Variants in PCDHGA9 observed in about 807,000 individuals in gnomAD.
PCDHGA9 encodes the protein protocadherin gamma-A9.
PCDHGA9 carries 37 observed loss-of-function variants against 62.5 expected under a neutral mutation model. The observed-to-expected ratio is 0.59, with a 90% CI of 0.46 to 0.78. PCDHGA9 has a LOEUF of 0.78. Among genes scored for constraint, PCDHGA9 ranks in the 30% least tolerant of loss-of-function variants. The pLI, the probability that PCDHGA9 is intolerant of heterozygous loss-of-function variation, is 0.00. For missense variants in PCDHGA9, 1,138 were observed against 1,166.2 expected (o/e 0.98, Z 0.35); for synonymous variants, 459 against 484.6 (o/e 0.95, Z 0.69).
In PCDHGA9 at chr5:141,404,838, C is replaced by T. The variant is rs1561696680; in HGVS notation, c.1886C>T (p.Ala629Val). ...VGLHTGEVRT[A>V]RALLDRDALK... ...CTGCACACAGGTGAAGTGCGCACAGCTCGGGCCCTGCTAGATAGAGATGCG... is the reference window on the plus strand; with the variant it reads ...CTGCACACAGGTGAAGTGCGCACAGTTCGGGCCCTGCTAGATAGAGATGCG... Residue 629 changes from alanine (A) to valine (V), a missense_variant, in exon 1 of 4, where the codon GCT becomes GTT. By Grantham distance (64) the Ala-to-Val change is moderately conservative. Coordinates refer to ENST00000573521, the MANE Select transcript of PCDHGA9 (RefSeq NM_018921.3). 1 of 1,613,850 alleles carries T rather than the reference C, an allele frequency of 6.2e-7. No homozygotes were observed. Among genetic ancestry groups the T allele is most frequent in the East Asian group, 2.2e-5 (1 of 44,860 alleles).
At chr5:141,505,332 A>C in intron 2 of PCDHGA9, 61 bp from the exon 3 acceptor site, 1 of 1,610,872 alleles carries the variant, frequency 6.2e-7, no homozygotes, top group South Asian at 1.1e-5. Flanking sequence ...GGGAGAGGAC[A>C]GGAGGGGCAT....
rs888457230 is a variant in PCDHGA9, at chr5:141,493,727, C to T, written c.2425-1080C>T. On this transcript the variant is annotated intron_variant, in intron 1 of 3. Transcript: ENST00000573521. This position sits in a 1 kb window ranked among gnomAD's most constrained non-coding sequence, Gnocchi z 4.3. ...TGGAATGCTAGGTTTCTGGGTTCTG[C>T]TCATATCACTGCCACCTGTGAGCCT... Among the ~76,000 whole-genome samples, 2 of 152,184 alleles carry T rather than the reference C, an allele frequency of 1.3e-5. No homozygotes were observed. Among genetic ancestry groups the T allele is most frequent in the Admixed American group, 6.5e-5 (1 of 15,280 alleles).
chr5:141,497,614 A>G (rs1377740795), intron 2 of PCDHGA9, among the ~76,000 whole-genome samples: 1 of 146,530 alleles, frequency 6.8e-6, no homozygotes, highest in Admixed American at 7.0e-5. Context: ...ATCTTGGCTC[A>G]CTGCAACCTC....
rs2099698809 is a variant in PCDHGA9 at position 141,490,343 on chromosome 5, T to C, written c.2425-4464T>C. On this transcript the variant is annotated intron_variant, in intron 1 of 3. Transcript: ENST00000573521. This position sits in a 1 kb window ranked among gnomAD's most constrained non-coding sequence, Gnocchi z 5.4. ...CTAGAGAGCACACCAGTGGGCACAG[T>C]AGTGGGGTTGTTTAATGTGCGAGAC... The C allele has an allele frequency of 6.2e-7, 1 of 1,614,018 alleles. No individual in the cohort carries two copies. Among genetic ancestry groups the C allele is most frequent in the Admixed American group, 1.7e-5 (1 of 60,006 alleles).
chr5:141,507,097 A>G (rs1343795018), intron 3 of PCDHGA9: 1 of 152,082 alleles, frequency 6.6e-6, no homozygotes, highest in African/African-American at 2.4e-5. Flanking sequence ...TGCTCTTTCT[A>G]CTATAGGGAC....
At position 141,486,994 on chromosome 5, in the gene PCDHGA9, C is replaced by G. The variant is rs779792543; in HGVS notation, c.2425-7813C>G. ...ATTCAGGTTACAATGCTTGGGTTTC[C>G]TATCAGCTCCTGGAGGCCCCAGATC... On this transcript the variant is annotated intron_variant, in intron 1 of 3. Coordinates refer to ENST00000573521, the MANE Select transcript of PCDHGA9 (RefSeq NM_018921.3). The surrounding 1 kb of genome is among the most constrained non-coding windows in gnomAD (Gnocchi z 5.0). 3 of 1,614,214 alleles carry G rather than the reference C, an allele frequency of 1.9e-6. No individual in the cohort carries two copies. Among genetic ancestry groups the G allele is most frequent in the Admixed American group, 1.7e-5 (1 of 60,030 alleles).
At chr5:141,501,557 G>A (rs192507373) in intron 2 of PCDHGA9, among the ~76,000 whole-genome samples, 1 of 152,124 alleles carries the variant, frequency 6.6e-6, no homozygotes, top group Non-Finnish European at 1.5e-5. Context: ...CATAGGCCCT[G>A]GAATCATATT....
rs1023591745 is a variant in PCDHGA9 at position 141,432,912 on chromosome 5, G to T, written c.2424+27536G>T. 2.5e-6 allele frequency: 4 copies of T among 1,614,160 alleles called. No individual in the cohort carries two copies. Among genetic ancestry groups the T allele is most frequent in the Non-Finnish European group, 3.4e-6 (4 of 1,180,012 alleles). On this transcript the variant is annotated intron_variant, in intron 1 of 3. Transcript: ENST00000573521. The surrounding 1 kb of genome is among the most constrained non-coding windows in gnomAD (Gnocchi z 6.0). Reference sequence around the variant, plus strand: ...TTGCTGCTGGCGCTCAGGCTGCGGCGCTGGCACAAGTCACGCCTGCTGCAG... The same window carrying T: ...TTGCTGCTGGCGCTCAGGCTGCGGCTCTGGCACAAGTCACGCCTGCTGCAG...
intron 1 of PCDHGA9, among the ~76,000 whole-genome samples, chr5:141,462,430 T>C (rs1471523013): frequency 2.0e-5 from 3 of 152,230 alleles, no homozygotes; most frequent in African/African-American, 4.8e-5. Flanking sequence ...TTGGTGAGTG[T>C]TGCTTACACA....
At chr5:141,422,849 C>G in intron 1 of PCDHGA9, 1 of 1,614,238 alleles carries the variant, frequency 6.2e-7, no homozygotes, top group East Asian at 2.2e-5. Flanking sequence ...AGCGGGGACC[C>G]GCCCCTCAGC....
At position 141,489,207 on chromosome 5, in the gene PCDHGA9, A is replaced by T; in HGVS notation, c.2425-5600A>T. The T allele has an allele frequency of 6.9e-7, 1 of 1,452,692 alleles. No homozygotes were observed. The highest frequency in any genetic ancestry group is 9.3e-7 in the Non-Finnish European group (1 of 1,073,586). 90.0% of individuals were successfully genotyped at this position (1,452,692 alleles called of 1,614,324 possible). ...GGGTCTACCTTGGAGACAGGACAGC[A>T]CAGACTTACTCTCCACAAAGGGACT... On this transcript the variant is annotated intron_variant, in intron 1 of 3. Transcript: ENST00000573521. The surrounding 1 kb of genome is among the most constrained non-coding windows in gnomAD (Gnocchi z 4.5).
Position 141,485,626 on chromosome 5 carries a change from T to A in PCDHGA9, c.2425-9181T>A, listed in dbSNP as rs2099616815. 6.2e-7 allele frequency: 1 copy of A among 1,611,740 alleles called. No individual in the cohort carries two copies. On this transcript the variant is annotated intron_variant, in intron 1 of 3. Coordinates refer to ENST00000573521, the MANE Select transcript of PCDHGA9 (RefSeq NM_018921.3). This position sits in a 1 kb window ranked among gnomAD's most constrained non-coding sequence, Gnocchi z 5.7. Reference sequence around the variant, plus strand: ...GGGAGGCAGCTCCTCCAGGACAGCGTTTCCCGTTGGAAAAGGCTCAGGATG... The same window carrying A: ...GGGAGGCAGCTCCTCCAGGACAGCGATTCCCGTTGGAAAAGGCTCAGGATG...
At chr5:141,456,058 C>T (rs1488082918) in intron 1 of PCDHGA9, among the ~76,000 whole-genome samples, 3 of 151,880 alleles carry the variant, frequency 2.0e-5, no homozygotes, top group Admixed American at 6.6e-5. Context: ...CCACCACGTC[C>T]GGCTAATTTT....
chr5:141,418,081 C>T lies in PCDHGA9; in HGVS notation c.2424+12705C>T, dbSNP rs190197904. On this transcript the variant is annotated intron_variant, in intron 1 of 3. Transcript: ENST00000573521. Reference sequence around the variant, plus strand: ...TGCGAGTGAGCGCGGAGAAGCTGCACTTCAGCGTAGACGCGCAGAGCGGGG... The same window carrying T: ...TGCGAGTGAGCGCGGAGAAGCTGCATTTCAGCGTAGACGCGCAGAGCGGGG... 331 of 1,614,072 alleles carry T rather than the reference C, an allele frequency of 2.1e-4. 3 individuals are homozygous for T. The African/African-American group carries it at 4.0e-3, about 19-fold the overall frequency.
rs2098098668 is a variant in PCDHGA9, at chr5:141,439,210, T to C, written c.2424+33834T>C. Among the ~76,000 whole-genome samples the C allele has an allele frequency of 4.0e-5, 6 of 150,296 alleles. No homozygotes were observed. The Middle Eastern group carries it at 0.014, about 343-fold the overall frequency. On this transcript the variant is annotated intron_variant, in intron 1 of 3. Transcript: ENST00000573521. The stretch of plus-strand genomic sequence containing the variant: ...TCTGACAAAAAAAAAAAAAAATCCA[T>C]ATGTGAAAATTCTTAGAAGCTTCCT...
At chr5:141,441,005 C>T (rs772059231) in intron 1 of PCDHGA9, 1 of 152,116 alleles carries the variant, frequency 6.6e-6, no homozygotes, top group Non-Finnish European at 1.5e-5. Context: ...CTAGTTTGGC[C>T]TTGATCAAAT....
intron 1 of PCDHGA9, among the ~76,000 whole-genome samples, chr5:141,473,611 G>C (rs2099325261): frequency 6.6e-6 from 1 of 152,140 alleles, no homozygotes; most frequent in Non-Finnish European, 1.5e-5. Context: ...GCAAAGCAAA[G>C]GGAGGGAGGA....
In PCDHGA9 at chr5:141,510,983, C is replaced by T; in HGVS notation, c.2609C>T (p.Ala870Val). The change falls in exon 4 of 4, where the codon GCC becomes GTC. Residue 870 changes from alanine to valine, a missense_variant. Transcript: ENST00000573521. The stretch of plus-strand genomic sequence containing the variant: ...GGGAGCTCCACCCTGGGAGGGGGTG[C>T]CGGCACCATGGGATTGAGCGCCCGC... ...ADGSSTLGGG[A>V]GTMGLSARYG... The T allele has an allele frequency of 6.2e-7, 1 of 1,614,162 alleles. No homozygotes were observed. The highest frequency in any genetic ancestry group is 8.5e-7 in the Non-Finnish European group (1 of 1,180,012).
Position 141,487,544 on chromosome 5 carries a change from C to A in PCDHGA9, c.2425-7263C>A. 1 of 1,614,190 alleles carries A rather than the reference C, an allele frequency of 6.2e-7. No homozygotes were observed. The highest frequency in any genetic ancestry group is 1.1e-5 in the South Asian group (1 of 91,088). On this transcript the variant is annotated intron_variant, in intron 1 of 3. Transcript: ENST00000573521. This position sits in a 1 kb window ranked among gnomAD's most constrained non-coding sequence, Gnocchi z 5.0. ...TGATAGCTTCATGATGGTGAAGTCA[C>A]CCAGTGCACCTATGGCAGGGGAGCC... is the stretch of plus-strand genomic sequence containing the variant.
Sources: allele counts gnomAD v4.1 joint callset (sites outside exome capture counted in the v4.1 genomes callset), GRCh38; gene constraint gnomAD v4.1.1; non-coding constraint Gnocchi (gnomAD v3.1); transcripts MANE v1.5; gene names NCBI Gene and HGNC (gene_info 2026-07-23, HGNC 2026-07-21).